UBQLN4: variants seen among roughly 807,000 people sequenced by gnomAD.
UBQLN4 encodes the protein ubiquilin-4.
Under a neutral mutation model 60.4 loss-of-function variants are expected in UBQLN4, and 11 were observed. That is an observed-to-expected ratio of 0.18 (90% confidence interval 0.11 to 0.30). The LOEUF (loss-of-function observed/expected upper bound fraction) is 0.30. Ranked by LOEUF, UBQLN4 falls within the 10% of genes least tolerant of loss-of-function variation. UBQLN4 has a pLI of 1.00. For synonymous variants in UBQLN4, 258 were observed against 313.1 expected, an observed-to-expected ratio of 0.82 and a Z score of 1.86; for missense variants, 417 against 795.5, an observed-to-expected ratio of 0.52 and a Z score of 5.72.
In UBQLN4 at chr1:156,041,879, C is replaced by A. The variant is rs200524315; in HGVS notation, c.1459G>T (p.Val487Leu). The A allele has an allele frequency of 2.5e-6, 4 of 1,610,750 alleles. No homozygotes were observed. The highest frequency in any genetic ancestry group is 3.4e-6 in the Non-Finnish European group (4 of 1,178,978). Residue 487 changes from valine (V) to leucine (L), a missense_variant, in exon 9 of 11, where the codon GTA (valine) becomes TTA (leucine). Transcript: ENST00000368309. Reference sequence around the variant, plus strand: ...CTGCCCCCCTACCCTCACCTGGGTACCAGCCCAGGGGCCTCGGTCTGCAAG... The same window carrying A: ...CTGCCCCCCTACCCTCACCTGGGTAACAGCCCAGGGGCCTCGGTCTGCAAG... ...QTLQTEAPGL[V>L]PSLGSFGISR...
chr1:156,039,435 A>T (rs574282382), intron 10 of UBQLN4, among the ~76,000 whole-genome samples: 43 of 151,106 alleles, frequency 2.8e-4, no homozygotes, highest in Admixed American at 8.6e-4. Context: ...TTTTTAGTAG[A>T]GACGGGGTTT....
chr1:156,045,054 C>T (rs1683662735), intron 5 of UBQLN4, among the ~76,000 whole-genome samples: 2 of 152,218 alleles, frequency 1.3e-5, no homozygotes, highest in South Asian at 4.1e-4. Flanking sequence ...GCACCTAGCA[C>T]AGAGCTCTGG....
chr1:156,042,738 C>A (rs200333037), intron 7 of UBQLN4, 36 bp downstream of exon 7: 6 of 1,605,310 alleles, frequency 3.7e-6, no homozygotes, highest in Admixed American at 1.7e-5. Context: ...GAGGAACTCT[C>A]TCCCCAACAA....
chr1:156,048,441 TG>T lies in UBQLN4; in HGVS notation c.900+59del. On this transcript the variant is annotated intron_variant, in intron 5 of 10. Coordinates refer to ENST00000368309, the MANE Select transcript of UBQLN4 (RefSeq NM_020131.5). The surrounding 1 kb of genome is among the most constrained non-coding windows in gnomAD (Gnocchi z 4.9). ...AGAGCAGGCCCAGGTTTGCCTGGGG[TG>T]GGGGTAGGGAATCTCGAGCCCAGAC... The T allele has an allele frequency of 6.5e-7, 1 of 1,541,246 alleles. No homozygotes were observed. Among genetic ancestry groups the T allele is most frequent in the Non-Finnish European group, 8.8e-7 (1 of 1,134,760 alleles).
downstream of UBQLN4, among the ~76,000 whole-genome samples, chr1:156,032,677 A>C (rs1423126426): frequency 6.6e-6 from 1 of 151,964 alleles, no homozygotes; most frequent in East Asian, 1.9e-4. Flanking sequence ...TCTCACAGAG[A>C]GATGGGCGCT....
Position 156,048,403 on chromosome 1 carries a change from G to A in UBQLN4, c.900+98C>T, listed in dbSNP as rs1683771932. 5.6e-6 allele frequency: 8 copies of A among 1,420,434 alleles called. No homozygotes were observed. The South Asian group carries it at 9.6e-5, about 17-fold the overall frequency. 88.0% of individuals were successfully genotyped at this position (1,420,434 alleles called of 1,614,324 possible). On this transcript the variant is annotated intron_variant, in intron 5 of 10. Coordinates refer to ENST00000368309, the MANE Select transcript of UBQLN4 (RefSeq NM_020131.5). This position sits in a 1 kb window ranked among gnomAD's most constrained non-coding sequence, Gnocchi z 4.9. ...GCCAAGGCCCACCCCTCAGGGGACT[G>A]GGGAAAGAAAGAAGAGCAGGCCCAG...
In UBQLN4 at chr1:156,053,588, T is replaced by C; in HGVS notation, c.108+6A>G. 3 of 796,696 alleles carry C rather than the reference T, an allele frequency of 3.8e-6. No homozygotes were observed. The highest frequency in any genetic ancestry group is 3.3e-6 in the Non-Finnish European group (2 of 599,316). The allele number at this position is 796,696 out of a possible 1,614,324, so 49.4% of individuals were successfully genotyped here. A position where few individuals can be genotyped will look rare whatever the true frequency, so the allele number is the denominator to read the frequency against. On this transcript the variant is annotated splice_donor_region_variant and intron_variant, in intron 1 of 10. Coordinates refer to ENST00000368309, the MANE Select transcript of UBQLN4 (RefSeq NM_020131.5). ...CGCTCCCCCCGCCCCCCGCCTGCTG[T>C]ACTACCTCCTTGACCGAGGCTCGAT...
rs1683375075 is a variant in UBQLN4 at position 156,035,390 on chromosome 1, G to T, written c.*1588C>A. 2.0e-6 allele frequency: 2 copies of T among 984,824 alleles called. No individual in the cohort carries two copies. The highest frequency in any genetic ancestry group is 2.4e-6 in the Non-Finnish European group (2 of 829,578). 61.0% of individuals were successfully genotyped at this position (984,824 alleles called of 1,614,324 possible). On this transcript the variant is annotated 3_prime_UTR_variant, in exon 11 of 11. Transcript: ENST00000368309. ...GAAAGCCACACAGACATCTTCTCTG[G>T]ACTGCTTGGGACCCTTTCCCACTTG...
chr1:156,041,990 G>A lies in UBQLN4; in HGVS notation c.1351-3C>T, dbSNP rs201220775. 4.3e-6 allele frequency: 7 copies of A among 1,613,940 alleles called. No individual in the cohort carries two copies. Among genetic ancestry groups the A allele is most frequent in the Non-Finnish European group, 5.9e-6 (7 of 1,179,976 alleles). On this transcript the variant is annotated splice_polypyrimidine_tract_variant and splice_region_variant and intron_variant, in intron 8 of 10. Coordinates refer to ENST00000368309, the MANE Select transcript of UBQLN4 (RefSeq NM_020131.5). Reference sequence around the variant, plus strand: ...GAGAGTGACTCTGGGTTCTGCATCTGGTGGGAAATAAGCAGAGAAAGGCAT... The same window carrying A: ...GAGAGTGACTCTGGGTTCTGCATCTAGTGGGAAATAAGCAGAGAAAGGCAT...
downstream of UBQLN4, chr1:156,033,315 C>G: frequency 1.0e-6 from 1 of 984,476 alleles, no homozygotes; most frequent in Non-Finnish European, 1.2e-6. Context: ...AATCCTTCCG[C>G]TTAGAAATAA....
rs1302184740 is a variant in UBQLN4 at position 156,035,868 on chromosome 1, A to G, written c.*1110T>C. On this transcript the variant is annotated 3_prime_UTR_variant, in exon 11 of 11. Transcript: ENST00000368309. ...AGAGCACTCTGAACCAGAAACCAACAAGGAATCCACTTCCCACCCAACTTA... is the reference window on the plus strand; with the variant it reads ...AGAGCACTCTGAACCAGAAACCAACGAGGAATCCACTTCCCACCCAACTTA... The G allele has an allele frequency of 2.3e-5, 23 of 985,170 alleles. No individual in the cohort carries two copies. The highest frequency in any genetic ancestry group is 2.7e-5 in the Non-Finnish European group (22 of 829,844). The allele number at this position is 985,170 out of a possible 1,614,324, so 61.0% of individuals were successfully genotyped here. A position where few individuals can be genotyped will look rare whatever the true frequency, so the allele number is the denominator to read the frequency against.
chr1:156,048,659 T>A lies in UBQLN4; in HGVS notation c.742A>T (p.Thr248Ser). 1 of 1,613,776 alleles carries A rather than the reference T, an allele frequency of 6.2e-7. No homozygotes were observed. The highest frequency in any genetic ancestry group is 8.5e-7 in the Non-Finnish European group (1 of 1,179,716). The change falls in exon 5 of 11, where the codon ACA becomes TCA. Residue 248 changes from threonine to serine, a missense_variant and splice_region_variant. By Grantham distance (58) the Thr-to-Ser change is moderately conservative. Coordinates refer to ENST00000368309, the MANE Select transcript of UBQLN4 (RefSeq NM_020131.5). The surrounding 1 kb of genome is among the most constrained non-coding windows in gnomAD (Gnocchi z 4.9). ...GCTGGATTCCGAGCAAGCTCCATTGTCTGATCAAGGGAGAGAGACAAAATG... is the reference window on the plus strand; with the variant it reads ...GCTGGATTCCGAGCAAGCTCCATTGACTGATCAAGGGAGAGAGACAAAATG... ...MLNNPELMRQ[T>S]MELARNPAMM... is the part of the protein sequence containing the mutation.
In UBQLN4 at chr1:156,035,694, G is replaced by T. The variant is rs1044669235; in HGVS notation, c.*1284C>A. On this transcript the variant is annotated 3_prime_UTR_variant, in exon 11 of 11. Transcript: ENST00000368309. ...CCACAAGGCAGTGAGGGGTGATAAG[G>T]GTGCTAGTCACAGCCCTGACAGCTT... 2.7e-5 allele frequency: 27 copies of T among 983,926 alleles called. No homozygotes were observed. Among genetic ancestry groups the T allele is most frequent in the Non-Finnish European group, 1.2e-6 (1 of 828,942 alleles). The allele number at this position is 983,926 out of a possible 1,614,324, so 60.9% of individuals were successfully genotyped here.
Position 156,044,152 on chromosome 1 carries a change from C to G in UBQLN4, c.972G>C (p.Glu324Asp). 1 of 1,579,164 alleles carries G rather than the reference C, an allele frequency of 6.3e-7. No homozygotes were observed. The highest frequency in any genetic ancestry group is 8.6e-7 in the Non-Finnish European group (1 of 1,162,646). The change falls in exon 6 of 11, where the codon GAG becomes GAC. Residue 324 changes from glutamate to aspartate, a missense_variant. Transcript: ENST00000368309. ...AGGGGTTAGGGAGGGGCTCTCGATT[C>G]TCAGTCCGCAGAGGCTGGGAGGATG... Reference protein sequence around the residue: ...DSSSSQPLRTENREPLPNPWS... With the variant: ...DSSSSQPLRTDNREPLPNPWS...
chr1:156,041,979 G>A lies in UBQLN4; in HGVS notation c.1359C>T (p.Asn453=). Residue 453 remains asparagine (N), a synonymous_variant, in exon 9 of 11, where the codon AAC becomes AAT. Coordinates refer to ENST00000368309, the MANE Select transcript of UBQLN4 (RefSeq NM_020131.5). The part of the protein sequence containing the change: ...QLPVFLQQMQ[N]PESLSILTNP... ...TGGTAAGGATGGAGAGTGACTCTGG[G>A]TTCTGCATCTGGTGGGAAATAAGCA... The A allele has an allele frequency of 3.1e-6, 5 of 1,614,116 alleles. No homozygotes were observed. Among genetic ancestry groups the A allele is most frequent in the Non-Finnish European group, 3.4e-6 (4 of 1,180,012 alleles).
chr1:156,042,560 C>A, intron 7 of UBQLN4: 1 of 1,058,794 alleles, frequency 9.4e-7, no homozygotes, highest in East Asian at 2.6e-5. Flanking sequence ...TTAATCCTCA[C>A]AACTATAGGA....
In UBQLN4 at chr1:156,036,385, C is replaced by T; in HGVS notation, c.*593G>A. On this transcript the variant is annotated 3_prime_UTR_variant, in exon 11 of 11. Transcript: ENST00000368309. The stretch of plus-strand genomic sequence containing the variant: ...CATCTCCCTCTTCAGACAGGGAGAA[C>T]AGGCATCTTCCTCCTTACCCTGGAA... The T allele has an allele frequency of 1.0e-6, 1 of 985,690 alleles. No individual in the cohort carries two copies. The highest frequency in any genetic ancestry group is 1.2e-6 in the Non-Finnish European group (1 of 830,048). 61.1% of individuals were successfully genotyped at this position (985,690 alleles called of 1,614,324 possible).
chr1:156,041,728 G>A (rs1257187862), intron 9 of UBQLN4, 57 bp from the exon 10 acceptor site: 2 of 1,465,586 alleles, frequency 1.4e-6, no homozygotes, highest in East Asian at 2.5e-5. Context: ...GGATGAGAAT[G>A]TGAGATCCAG....
downstream of UBQLN4, among the ~76,000 whole-genome samples, chr1:156,032,966 G>A (rs1683321561): frequency 6.6e-6 from 1 of 152,134 alleles, no homozygotes; most frequent in Non-Finnish European, 1.5e-5. Context: ...CAGAGAGAGG[G>A]GCCCCCTACC....
Sources: gnomAD v4.1 joint callset for allele counts (sites outside exome capture counted in the v4.1 genomes callset) on GRCh38, gnomAD v4.1.1 for gene constraint, Gnocchi (gnomAD v3.1) non-coding constraint, MANE v1.5 for transcripts, NCBI Gene and HGNC (gene_info 2026-07-23, HGNC 2026-07-21) for gene names.